Variants in NDUFS4 observed in about 807,000 individuals in gnomAD.
NDUFS4 encodes NADH:ubiquinone oxidoreductase subunit S4.
In NDUFS4, 28 loss-of-function variants were observed where a neutral mutation model predicts 24.3. The observed-to-expected ratio is 1.15, with a 90% CI of 0.85 to 1.58. The LOEUF (loss-of-function observed/expected upper bound fraction) is 1.58. NDUFS4 is among the 40% of genes most tolerant of loss of function. The pLI is 0.00. For synonymous variants in NDUFS4, 93 were observed against 69.7 expected (o/e 1.34, Z -1.67); for missense variants, 223 against 207.9 (o/e 1.07, Z -0.45).
chr5:53,615,859 A>G (rs1196491567), intron 2 of NDUFS4, among the ~76,000 whole-genome samples: 1 of 152,114 alleles, frequency 6.6e-6, no homozygotes, highest in East Asian at 1.9e-4. Flanking sequence ...ATGCTAACTT[A>G]AAGAACTGAG....
At chr5:53,649,147 C>T (rs1379637252) in intron 3 of NDUFS4, among the ~76,000 whole-genome samples, 3 of 152,078 alleles carry the variant, frequency 2.0e-5, no homozygotes, top group African/African-American at 7.2e-5. Context: ...TAGAGTATCC[C>T]CCTGTTCATG....
At chr5:53,656,968 C>T (rs924339584) in intron 3 of NDUFS4, among the ~76,000 whole-genome samples, 1 of 152,124 alleles carries the variant, frequency 6.6e-6, no homozygotes, top group East Asian at 1.9e-4. Context: ...ATAGTGGCTT[C>T]TTCCAGTGGA....
rs571297567 is a variant in NDUFS4, at chr5:53,589,382, T to A, written c.99-14070T>A. On this transcript the variant is annotated intron_variant, in intron 1 of 4. Coordinates refer to ENST00000296684, the MANE Select transcript of NDUFS4 (RefSeq NM_002495.4). ...ATGTTGCATTTCCCTTGTGGGACAG[T>A]CAGGAATGCTACTCCGTGTATCCTC... Among the ~76,000 whole-genome samples, 9 of 152,324 alleles carry A rather than the reference T, an allele frequency of 5.9e-5. No individual in the cohort carries two copies. The South Asian group carries it at 1.7e-3, about 28-fold the overall frequency.
chr5:53,661,673 T>C (rs959011332), intron 4 of NDUFS4, among the ~76,000 whole-genome samples: 8 of 152,218 alleles, frequency 5.3e-5, no homozygotes, highest in Admixed American at 1.3e-4. Flanking sequence ...CGCTTTTATT[T>C]CATTGAGCAG....
intron 2 of NDUFS4, among the ~76,000 whole-genome samples, chr5:53,628,697 T>A (rs1025384680): frequency 6.6e-6 from 1 of 152,236 alleles, no homozygotes; most frequent in Non-Finnish European, 1.5e-5. Context: ...GATAGTAGTT[T>A]GTATTTCTGT....
chr5:53,666,603 T>G (rs368788294), intron 4 of NDUFS4, among the ~76,000 whole-genome samples: 18 of 152,156 alleles, frequency 1.2e-4, no homozygotes, highest in East Asian at 9.6e-4. Context: ...TGACATATAA[T>G]GGACACTCAG....
chr5:53,587,723 A>G (rs1749809156), intron 1 of NDUFS4, among the ~76,000 whole-genome samples: 1 of 152,056 alleles, frequency 6.6e-6, no homozygotes, highest in African/African-American at 2.4e-5. Flanking sequence ...AACCACAGGC[A>G]TGTGCCACCA....
At chr5:53,661,675 A>T (rs1348489035) in intron 4 of NDUFS4, among the ~76,000 whole-genome samples, 1 of 152,050 alleles carries the variant, frequency 6.6e-6, no homozygotes, top group Non-Finnish European at 1.5e-5. Flanking sequence ...CTTTTATTTC[A>T]TTGAGCAGTG....
intron 1 of NDUFS4, among the ~76,000 whole-genome samples, chr5:53,568,181 G>T (rs1011404077): frequency 4.0e-5 from 6 of 151,808 alleles, no homozygotes; most frequent in African/African-American, 1.5e-4. Context: ...TTTTCTTCTT[G>T]TCTGTACTCA....
intron 2 of NDUFS4, among the ~76,000 whole-genome samples, chr5:53,623,236 A>G (rs1489578876): frequency 6.6e-6 from 1 of 152,232 alleles, no homozygotes; most frequent in Non-Finnish European, 1.5e-5. Flanking sequence ...TTCCCACAGC[A>G]ATACACAAAG....
chr5:53,652,107 G>C (rs1752037098), intron 3 of NDUFS4, among the ~76,000 whole-genome samples: 1 of 152,050 alleles, frequency 6.6e-6, no homozygotes, highest in South Asian at 2.1e-4. Context: ...ATACTGTCTA[G>C]GTCTATCATA....
chr5:53,575,687 G>A (rs1749362885), intron 1 of NDUFS4, among the ~76,000 whole-genome samples: 1 of 151,624 alleles, frequency 6.6e-6, no homozygotes, highest in Non-Finnish European at 1.5e-5. Context: ...AATTGCAGGT[G>A]TGCACCACCA....
intron 1 of NDUFS4, among the ~76,000 whole-genome samples, chr5:53,599,279 A>G (rs1298748352): frequency 1.3e-5 from 2 of 152,146 alleles, no homozygotes; most frequent in African/African-American, 4.8e-5. Context: ...TCTTTTAGGT[A>G]TATACTCAGT....
chr5:53,658,215 A>G (rs1752219622), intron 3 of NDUFS4, among the ~76,000 whole-genome samples: 1 of 152,200 alleles, frequency 6.6e-6, no homozygotes, highest in African/African-American at 2.4e-5. Flanking sequence ...ACACATCAGT[A>G]ATCTTGATAG....
intron 1 of NDUFS4, among the ~76,000 whole-genome samples, chr5:53,576,493 G>T (rs537356253): frequency 6.6e-6 from 1 of 152,246 alleles, no homozygotes; most frequent in South Asian, 2.1e-4. Flanking sequence ...TACTATAACT[G>T]ATAGAAATTT....
intron 1 of NDUFS4, among the ~76,000 whole-genome samples, chr5:53,585,427 A>G (rs1749716627): frequency 6.6e-6 from 1 of 152,092 alleles, no homozygotes; most frequent in Non-Finnish European, 1.5e-5. Flanking sequence ...CAAGCAGACT[A>G]TTTTCTTCAT....
At chr5:53,671,774 C>CTAGA (rs573744144) in intron 4 of NDUFS4, among the ~76,000 whole-genome samples, 66 of 152,214 alleles carry the variant, frequency 4.3e-4, no homozygotes, top group African/African-American at 1.5e-3. Flanking sequence ...TGGTGGAAGA[C>CTAGA]TAGAATCTAC....
chr5:53,669,676 G>A (rs1339533115), intron 4 of NDUFS4, among the ~76,000 whole-genome samples: 5 of 152,042 alleles, frequency 3.3e-5, no homozygotes, highest in African/African-American at 1.2e-4. Context: ...GCGCTGTATG[G>A]CTAGGCTCTG....
intron 1 of NDUFS4, among the ~76,000 whole-genome samples, chr5:53,580,989 G>A (rs368797368): frequency 2.7e-4 from 41 of 151,952 alleles, no homozygotes; most frequent in African/African-American, 8.7e-4. Context: ...ATGTGCCACC[G>A]TGCCCGGCTA....
Sources: gnomAD v4.1 joint callset for allele counts (sites outside exome capture counted in the v4.1 genomes callset) on GRCh38, gnomAD v4.1.1 for gene constraint, MANE v1.5 for transcripts, NCBI Gene and HGNC (gene_info 2026-07-23, HGNC 2026-07-21) for gene names.